ACE: variants seen among roughly 807,000 people sequenced by gnomAD.
ACE encodes angiotensin I converting enzyme.
ACE carries 122 observed loss-of-function variants against 162.3 expected under a neutral mutation model. That is an observed-to-expected ratio of 0.75 (90% CI 0.65 to 0.87). The LOEUF (loss-of-function observed/expected upper bound fraction) is 0.87, where lower values mean the gene tolerates loss of function less well. Among genes scored for constraint, ACE ranks in the 40% least tolerant of loss-of-function variants. The pLI, the probability that ACE is intolerant of heterozygous loss-of-function variation, is 0.00. For missense variants in ACE, 1,799 were observed against 1,735.1 expected (o/e 1.04, Z -0.65); for synonymous variants, 796 against 720.6 (o/e 1.10, Z -1.68).
rs745548368 is a variant in ACE, at chr17:63,482,520, G to A, written c.1173G>A (p.Glu391=). 6 of 1,614,076 alleles carry A rather than the reference G, an allele frequency of 3.7e-6. No homozygotes were observed. The highest frequency in any genetic ancestry group is 5.1e-6 in the Non-Finnish European group (6 of 1,180,018). Residue 391 remains glutamate (E), a synonymous_variant, in exon 8 of 25, where the codon GAG becomes GAA. Coordinates refer to ENST00000290866, the MANE Select transcript of ACE (RefSeq NM_000789.4). The stretch of plus-strand genomic sequence containing the variant: ...ACCAGCTCTCCACAGTGCACCATGA[G>A]ATGGGCCATATACAGTACTACCTGC... The part of the protein sequence containing the change: ...TMDQLSTVHH[E]MGHIQYYLQY...
chr17:63,485,723 C>CGAGAT (rs2029890004), intron 13 of ACE: 1 of 343,570 alleles, frequency 2.9e-6, no homozygotes, highest in Admixed American at 4.2e-5. Flanking sequence ...TGCAGTGAGC[C>CGAGAT]GAGATGGCAC....
chr17:63,483,567 G>GCGGGGGGGGGCCCCCCGCC lies in ACE; in HGVS notation c.1586+10_1586+11insGGGGGGGGGCCCCCCGCCC. 1 of 1,589,582 alleles carries GCGGGGGGGGGCCCCCCGCC rather than the reference G, an allele frequency of 6.3e-7. No homozygotes were observed. The highest frequency in any genetic ancestry group is 8.6e-7 in the Non-Finnish European group (1 of 1,165,688). On this transcript the variant is annotated intron_variant, in intron 10 of 24. Coordinates refer to ENST00000290866, the MANE Select transcript of ACE (RefSeq NM_000789.4). ...GTGACACCATACATCAGGTATTAGC[G>GCGGGGGGGGGCCCCCCGCC]CCCCCACCCCACCCACCCCCAGTAC...
chr17:63,483,715 C>A, intron 10 of ACE, 134 bp from the exon 11 acceptor site: 1 of 1,524,850 alleles, frequency 6.6e-7, no homozygotes, highest in South Asian at 1.1e-5. Context: ...CTGAGCCTGT[C>A]TTGGGTCTCC....
rs1461565755 is a variant in ACE, at chr17:63,479,835, A to G, written c.578A>G (p.His193Arg). The G allele has an allele frequency of 1.2e-6, 2 of 1,613,324 alleles. No homozygotes were observed. The highest frequency in any genetic ancestry group is 1.7e-6 in the Non-Finnish European group (2 of 1,180,034). ...CTCCTGTTTGCCTGGGAGGGCTGGC[A>G]CAACGCTGCGGGCATCCCGCTGAAA... ...AMLLFAWEGWHNAAGIPLKPL... is the reference protein window; with the variant it reads ...AMLLFAWEGWRNAAGIPLKPL... Residue 193 changes from histidine (H) to arginine (R), a missense_variant, in exon 4 of 25, where the codon CAC becomes CGC. Transcript: ENST00000290866.
rs2049626329 is a variant in ACE at position 63,477,070 on chromosome 17, A to G, written c.-25A>G. On this transcript the variant is annotated 5_prime_UTR_variant, in exon 1 of 25. Transcript: ENST00000290866. Reference sequence around the variant, plus strand: ...GCGGCCGCGGCGCAGGAGAAGGGGCAGAGCCGAGCACCGCGCACCGCGTCA... The same window carrying G: ...GCGGCCGCGGCGCAGGAGAAGGGGCGGAGCCGAGCACCGCGCACCGCGTCA... 1.6e-6 allele frequency: 2 copies of G among 1,268,704 alleles called. No homozygotes were observed. Among genetic ancestry groups the G allele is most frequent in the South Asian group, 2.7e-5 (1 of 36,842 alleles). 78.6% of individuals were successfully genotyped at this position (1,268,704 alleles called of 1,614,324 possible). A position where few individuals can be genotyped will look rare whatever the true frequency, so the allele number is the denominator to read the frequency against.
At chr17:63,489,244 A>C in intron 17 of ACE, 112 bp downstream of exon 17, 1 of 1,339,406 alleles carries the variant, frequency 7.5e-7, no homozygotes, top group African/African-American at 1.4e-5. Flanking sequence ...GAGAGACTCC[A>C]GCCCTGTGGG....
intron 13 of ACE, 164 bp from the exon 14 acceptor site, chr17:63,486,393 T>C: frequency 1.3e-6 from 1 of 748,364 alleles, no homozygotes; most frequent in Admixed American, 2.1e-5. Context: ...ATCCAGGACG[T>C]TATCAGCGTC....
chr17:63,485,803 G>C (rs1215313535), intron 13 of ACE: 2 of 244,642 alleles, frequency 8.2e-6, no homozygotes, highest in East Asian at 2.2e-4. Context: ...CTCAATTTCA[G>C]ATTTTGATGA....
intron 7 of ACE, among the ~76,000 whole-genome samples, 162 bp downstream of exon 7, chr17:63,481,900 C>T (rs921849948): frequency 2.0e-5 from 3 of 152,164 alleles, no homozygotes; most frequent in Non-Finnish European, 4.4e-5. Flanking sequence ...GTATAGGAGG[C>T]CTATTAGTCC....
In ACE at chr17:63,491,064, C is replaced by G; in HGVS notation, c.2739+13C>G. ...TATGCTAAAGCAGGTCCGCACCAGCCCAGGGGCAGGGAGGCCCCGCCGGGA... is the reference window on the plus strand; with the variant it reads ...TATGCTAAAGCAGGTCCGCACCAGCGCAGGGGCAGGGAGGCCCCGCCGGGA... On this transcript the variant is annotated intron_variant, in intron 18 of 24. Coordinates refer to ENST00000290866, the MANE Select transcript of ACE (RefSeq NM_000789.4). This position sits in a 1 kb window ranked among gnomAD's most constrained non-coding sequence, Gnocchi z 4.4. 7.4e-6 allele frequency: 12 copies of G among 1,614,030 alleles called. No homozygotes were observed. The highest frequency in any genetic ancestry group is 1.0e-5 in the Non-Finnish European group (12 of 1,179,968).
chr17:63,483,700 C>A, intron 10 of ACE, 142 bp downstream of exon 10: 1 of 1,471,318 alleles, frequency 6.8e-7, no homozygotes, highest in Non-Finnish European at 9.5e-7. Flanking sequence ...GAGTGGCCCA[C>A]TCTCCTGAGC....
chr17:63,484,254 G>T lies in ACE; in HGVS notation c.1710-76G>T. 1 of 1,490,912 alleles carries T rather than the reference G, an allele frequency of 6.7e-7. No individual in the cohort carries two copies. The allele number at this position is 1,490,912 out of a possible 1,614,324, so 92.4% of individuals were successfully genotyped here. A position where few individuals can be genotyped will look rare whatever the true frequency, so the allele number is the denominator to read the frequency against. Reference sequence around the variant, plus strand: ...TCCATTGGGGGGCGGAAGTGGCCAGGGGCATGTGGGCCGGGGTCCAGGAGC... The same window carrying T: ...TCCATTGGGGGGCGGAAGTGGCCAGTGGCATGTGGGCCGGGGTCCAGGAGC... On this transcript the variant is annotated intron_variant, in intron 11 of 24. Coordinates refer to ENST00000290866, the MANE Select transcript of ACE (RefSeq NM_000789.4). The surrounding 1 kb of genome is among the most constrained non-coding windows in gnomAD (Gnocchi z 4.0).
chr17:63,480,519 C>A lies in ACE; in HGVS notation c.838C>A (p.His280Asn). ...CAACCTCAGGGGACCCATCCCTGCT[C>A]ATCTGCTGGGTAAGGACCTGGCCTC... ...YINLRGPIPAHLLGDMWAQSW... is the reference protein window; with the variant it reads ...YINLRGPIPANLLGDMWAQSW... The change falls in exon 5 of 25, where the codon CAT (histidine) becomes AAT (asparagine). Residue 280 changes from histidine (H) to asparagine (N), a missense_variant. By Grantham distance (68) the His-to-Asn change is moderately conservative (BLOSUM62 1). Transcript: ENST00000290866. 6.2e-7 allele frequency: 1 copy of A among 1,613,796 alleles called. No homozygotes were observed. The highest frequency in any genetic ancestry group is 1.1e-5 in the South Asian group (1 of 91,064).
At chr17:63,479,392 T>A (rs1289524470) in intron 3 of ACE, among the ~76,000 whole-genome samples, 1 of 152,122 alleles carries the variant, frequency 6.6e-6, no homozygotes, top group African/African-American at 2.4e-5. Flanking sequence ...GGTCCTCTCA[T>A]GTTCCCCAAG....
At chr17:63,478,657 C>T (rs1020004352) in intron 2 of ACE, 4 of 384,756 alleles carry the variant, frequency 1.0e-5, no homozygotes, top group African/African-American at 2.1e-5. Context: ...AGTGAGACCT[C>T]CCCCCAAAAA....
In ACE at chr17:63,493,603, C is replaced by G. The variant is rs2030532137; in HGVS notation, c.3080C>G (p.Ser1027Cys). ...GGGGACGTGCTAGCCCTCTCAGTGT[C>G]TACGCCCAAGCACCTGCACAGTCTC... is the stretch of plus-strand genomic sequence containing the variant. ...AIGDVLALSVSTPKHLHSLNL... is the reference protein window; with the variant it reads ...AIGDVLALSVCTPKHLHSLNL... The change falls in exon 20 of 25, where the codon TCT (serine) becomes TGT (cysteine). Residue 1027 changes from serine to cysteine, a missense_variant. By Grantham distance (112) the Ser-to-Cys change is moderately radical. Coordinates refer to ENST00000290866, the MANE Select transcript of ACE (RefSeq NM_000789.4). 1 of 1,614,024 alleles carries G rather than the reference C, an allele frequency of 6.2e-7. No homozygotes were observed. The highest frequency in any genetic ancestry group is 1.3e-5 in the African/African-American group (1 of 74,930).
At chr17:63,493,680 C>CCTGGTGGG in intron 20 of ACE, 21 bp downstream of exon 20, 1 of 1,612,430 alleles carries the variant, frequency 6.2e-7, no homozygotes, top group Non-Finnish European at 8.5e-7. Context: ...AGCGGGAGGC[C>CCTGGTGGG]CTGGTGGGCT....
At chr17:63,494,899 T>C (rs2030635388) in intron 22 of ACE, among the ~76,000 whole-genome samples, 1 of 152,178 alleles carries the variant, frequency 6.6e-6, no homozygotes, top group Non-Finnish European at 1.5e-5. Flanking sequence ...AAATGTAGGA[T>C]TGGAGATCGG....
chr17:63,483,284 C>A, intron 9 of ACE, 111 bp downstream of exon 9: 1 of 1,576,248 alleles, frequency 6.3e-7, no homozygotes, highest in East Asian at 2.2e-5. Context: ...TAATGATGTC[C>A]CCCGCTGTGA....
Sources: allele counts gnomAD v4.1 joint callset (sites outside exome capture counted in the v4.1 genomes callset), GRCh38; gene constraint gnomAD v4.1.1; non-coding constraint Gnocchi (gnomAD v3.1); transcripts MANE v1.5; gene names NCBI Gene and HGNC (gene_info 2026-07-23, HGNC 2026-07-21).